The following LARGE1 variants were observed in gnomAD, a reference collection of about 807,000 sequenced individuals.
LARGE1 encodes LARGE xylosyl- and glucuronyltransferase 1.
In LARGE1, 43 loss-of-function variants were observed where a neutral mutation model predicts 87.6. That is an observed-to-expected ratio of 0.49 (90% CI 0.38 to 0.63). The LOEUF is 0.63. Ranked by LOEUF, LARGE1 falls within the 30% of genes least tolerant of loss-of-function variation. The pLI, the probability that LARGE1 is intolerant of heterozygous loss-of-function variation, is 0.00. For synonymous variants in LARGE1, 434 were observed against 394.6 expected, an observed-to-expected ratio of 1.10 and a Z score of -1.18; for missense variants, 802 against 1,000.2, an observed-to-expected ratio of 0.80 and a Z score of 2.67.
intron 2 of LARGE1, among the ~76,000 whole-genome samples, chr22:33,682,633 A>G (rs1337172604): frequency 6.6e-6 from 1 of 152,178 alleles, no homozygotes; most frequent in African/African-American, 2.4e-5. Flanking sequence ...CATCACATCT[A>G]AGCTCTTGGG....
In LARGE1 at chr22:33,512,439, C is replaced by T. The variant is rs147248763; in HGVS notation, c.787+52409G>A. Among the ~76,000 whole-genome samples, 563 of 152,188 alleles carry T rather than the reference C, an allele frequency of 3.7e-3. 7 individuals are homozygous for T. Among genetic ancestry groups the T allele is most frequent in the African/African-American group, 0.013 (542 of 41,494 alleles). Reference sequence around the variant, plus strand: ...TTAAGTGAAAATAAAAGGCAGAAGTCAGAATTACATATAGGAGGAAAACAA... The same window carrying T: ...TTAAGTGAAAATAAAAGGCAGAAGTTAGAATTACATATAGGAGGAAAACAA... On this transcript the variant is annotated intron_variant, in intron 6 of 14. Transcript: ENST00000397394.
chr22:33,640,533 C>T lies in LARGE1; in HGVS notation c.408+9834G>A, dbSNP rs1030391584. On this transcript the variant is annotated intron_variant, in intron 3 of 14. Coordinates refer to ENST00000397394, the MANE Select transcript of LARGE1 (RefSeq NM_133642.5). Reference sequence around the variant, plus strand: ...GTTCAGGCAGACACCCAGCTAGCTGCAGGAGTTTTTTTTTCATACACCAGT... The same window carrying T: ...GTTCAGGCAGACACCCAGCTAGCTGTAGGAGTTTTTTTTTCATACACCAGT... Among the ~76,000 whole-genome samples the T allele has an allele frequency of 5.9e-5, 9 of 152,278 alleles. No homozygotes were observed. The East Asian group carries it at 1.7e-3, about 29-fold the overall frequency.
chr22:33,388,615 G>C (rs747075340), intron 7 of LARGE1, among the ~76,000 whole-genome samples: 1 of 151,428 alleles, frequency 6.6e-6, no homozygotes, highest in African/African-American at 2.4e-5. Flanking sequence ...GCCCAGGCTG[G>C]AGTGCAATGG....
intron 11 of LARGE1, among the ~76,000 whole-genome samples, chr22:33,185,499 T>C (rs998484989): frequency 2.6e-5 from 4 of 152,152 alleles, no homozygotes; most frequent in African/African-American, 9.7e-5. Flanking sequence ...TATAAAGTCA[T>C]AGAAACCCGT....
At chr22:33,300,873 A>G (rs1209312196) in intron 12 of LARGE1, among the ~76,000 whole-genome samples, 1 of 152,118 alleles carries the variant, frequency 6.6e-6, no homozygotes, top group Non-Finnish European at 1.5e-5. Flanking sequence ...ATGGGGTCTC[A>G]CTATATTGCT....
intron 10 of LARGE1, among the ~76,000 whole-genome samples, chr22:33,321,931 G>C (rs1428554395): frequency 1.3e-5 from 2 of 152,122 alleles, no homozygotes; most frequent in African/African-American, 4.8e-5. Context: ...CGATTCTCCT[G>C]CCTCAGCCTT....
At chr22:33,610,937 G>C (rs74452607) in intron 4 of LARGE1, among the ~76,000 whole-genome samples, 1 of 152,224 alleles carries the variant, frequency 6.6e-6, no homozygotes, top group Admixed American at 6.5e-5. Context: ...CAGCTTCAGA[G>C]AGTGCAAGCT....
intron 2 of LARGE1, chr22:33,743,121 G>C (rs62225407): frequency 0.048 from 7,229 of 151,888 alleles, 266 homozygotes; most frequent in East Asian, 0.21. Flanking sequence ...TTTGCCTTTC[G>C]CCCTGATTGT....
chr22:33,754,307 A>G (rs982763158), intron 2 of LARGE1, among the ~76,000 whole-genome samples: 3 of 151,750 alleles, frequency 2.0e-5, no homozygotes, highest in Admixed American at 6.6e-5. Context: ...CAAGCTCAGC[A>G]CTAACACTTA....
At chr22:33,694,677 T>A (rs1396782179) in intron 2 of LARGE1, among the ~76,000 whole-genome samples, 1 of 152,040 alleles carries the variant, frequency 6.6e-6, no homozygotes, top group African/African-American at 2.4e-5. Context: ...TAAATTCACA[T>A]ACACATACAC....
At chr22:33,417,546 G>C (rs943881390) in intron 7 of LARGE1, among the ~76,000 whole-genome samples, 20 of 152,232 alleles carry the variant, frequency 1.3e-4, no homozygotes, top group African/African-American at 4.3e-4. Context: ...TTCTATTGCA[G>C]CCATAACAAA....
the LARGE1 span, among the ~76,000 whole-genome samples, chr22:33,106,421 G>A: frequency 2.0e-5 from 3 of 152,240 alleles, no homozygotes; most frequent in Non-Finnish European, 4.4e-5. Context: ...CCAGGTGGGA[G>A]TGGGCTTTAG....
chr22:33,820,133 T>A (rs1028865450), intron 1 of LARGE1, among the ~76,000 whole-genome samples: 1 of 152,102 alleles, frequency 6.6e-6, no homozygotes, highest in Non-Finnish European at 1.5e-5. Flanking sequence ...AATTTGGGGG[T>A]CCATTCAGCC....
At chr22:33,443,702 G>A (rs2067580303) in intron 6 of LARGE1, among the ~76,000 whole-genome samples, 2 of 152,120 alleles carry the variant, frequency 1.3e-5, no homozygotes, top group South Asian at 4.1e-4. Flanking sequence ...TCCCCAGCAG[G>A]CCCACATTAA....
intron 12 of LARGE1, 55 bp from the exon 13 acceptor site, chr22:33,283,403 C>A (rs1930858512): frequency 6.2e-7 from 1 of 1,604,366 alleles, no homozygotes; most frequent in Admixed American, 1.7e-5. Flanking sequence ...AGGCCAAGGT[C>A]TTTCCCCCAT....
intron 6 of LARGE1, among the ~76,000 whole-genome samples, chr22:33,551,993 CAAA>C (rs10674621): frequency 1.8e-4 from 13 of 72,868 alleles, no homozygotes; most frequent in Non-Finnish European, 3.2e-4. Flanking sequence ...GGCTCCGTCT[CAAA>C]AAAAAAAAAA....
intron 5 of LARGE1, among the ~76,000 whole-genome samples, chr22:33,569,914 T>C (rs2078143714): frequency 6.6e-6 from 1 of 152,260 alleles, no homozygotes; most frequent in African/African-American, 2.4e-5. Context: ...GTTTGATGAA[T>C]GTGCATGACT....
chr22:33,208,746 G>A (rs942284514), intron 11 of LARGE1, among the ~76,000 whole-genome samples: 1 of 152,026 alleles, frequency 6.6e-6, no homozygotes, highest in Non-Finnish European at 1.5e-5. Context: ...GACAGGCCAT[G>A]GTATGTGATG....
At chr22:33,298,850 G>GAAAGAAGAAAGA (rs1270513246) in intron 12 of LARGE1, among the ~76,000 whole-genome samples, 2 of 150,776 alleles carry the variant, frequency 1.3e-5, no homozygotes, top group African/African-American at 4.9e-5. Flanking sequence ...GTAAAGGAAA[G>GAAAGAAGAAAGA]AAAGAAGAAA....
Sources: gnomAD v4.1 joint callset for allele counts (sites outside exome capture counted in the v4.1 genomes callset) on GRCh38, gnomAD v4.1.1 for gene constraint, MANE v1.5 for transcripts, NCBI Gene and HGNC (gene_info 2026-07-23, HGNC 2026-07-21) for gene names.